The following C12orf76 variants were observed in gnomAD, a reference collection of about 807,000 sequenced individuals.
The protein encoded by C12orf76 is uncharacterized protein C12orf76.
C12orf76 carries 6 observed loss-of-function variants against 6.8 expected under a neutral mutation model. The ratio of observed to expected loss-of-function variants is 0.88; its 90% CI spans 0.48 to 1.73. The LOEUF (loss-of-function observed/expected upper bound fraction) is 1.73, where lower values mean the gene tolerates loss of function less well. C12orf76 is among the 40% of genes most tolerant of loss of function. The pLI, the probability that C12orf76 is intolerant of heterozygous loss-of-function variation, is 0.01. For synonymous variants in C12orf76, 56 were observed against 43.7 expected (o/e 1.28, Z -1.11); for missense variants, 99 against 98.2 (o/e 1.01, Z -0.03).
Position 110,073,441 on chromosome 12 carries a change from T to C in C12orf76, n.194A>G, listed in dbSNP as rs754400281. The C allele has an allele frequency of 2.3e-5, 12 of 523,180 alleles. 1 individual carries two copies. Among genetic ancestry groups the C allele is most frequent in the South Asian group, 1.7e-4 (12 of 71,094 alleles). 32.4% of individuals were successfully genotyped at this position (523,180 alleles called of 1,614,324 possible). ...ACTTACCTAACATAGGAAAAGACGATCACGTGGAAGAACTTAATGGTGCCA... is the reference window on the plus strand; with the variant it reads ...ACTTACCTAACATAGGAAAAGACGACCACGTGGAAGAACTTAATGGTGCCA... On this transcript the variant is annotated non_coding_transcript_exon_variant, in exon 1 of 2. Transcript: ENST00000548936.
At chr12:110,052,803 G>A (rs1224417440), upstream of C12orf76, among the ~76,000 whole-genome samples, 1 of 152,196 alleles carries the variant, frequency 6.6e-6, no homozygotes. Flanking sequence ...CTCCACCTTG[G>A]CTATGTAACC....
chr12:110,065,033 G>A (rs530241068), intron 2 of C12orf76, among the ~76,000 whole-genome samples: 8 of 152,274 alleles, frequency 5.3e-5, no homozygotes, highest in South Asian at 2.1e-4. Flanking sequence ...TTTGGTGTTA[G>A]ACATGAACAA....
upstream of C12orf76, among the ~76,000 whole-genome samples, chr12:110,071,830 G>A (rs1892962860): frequency 6.6e-6 from 1 of 152,160 alleles, no homozygotes; most frequent in Non-Finnish European, 1.5e-5. Flanking sequence ...TGAGGATGTG[G>A]AGAAACTGGA....
chr12:110,059,191 A>G (rs1246380691), intron 2 of C12orf76: 1 of 1,534,494 alleles, frequency 6.5e-7, no homozygotes, highest in South Asian at 1.2e-5. Flanking sequence ...GCACACACAC[A>G]ATTAATTTTT....
chr12:110,064,698 A>G (rs1892829471), intron 2 of C12orf76, among the ~76,000 whole-genome samples: 2 of 152,078 alleles, frequency 1.3e-5, no homozygotes, highest in South Asian at 4.1e-4. Flanking sequence ...CACCCCTGCT[A>G]GCTTCCCCAG....
At chr12:110,063,118 TTAG>T (rs1181014855) in intron 2 of C12orf76, among the ~76,000 whole-genome samples, 1 of 150,616 alleles carries the variant, frequency 6.6e-6, no homozygotes, top group Non-Finnish European at 1.5e-5. Context: ...TTTTGTATTT[TTAG>T]TAGACACAGG....
rs1175199375 is a variant in C12orf76, at chr12:110,041,630, C to G, written c.*744G>C. ...ACATTCCAAATCTGGAAAGCTGCCT[C>G]AAGTTTCAGACCGTGGGCTAGAAAG... is the stretch of plus-strand genomic sequence containing the variant. On this transcript the variant is annotated 3_prime_UTR_variant, in exon 2 of 2. Coordinates refer to ENST00000615315, the MANE Select transcript of C12orf76 (RefSeq NM_001389625.1). 6.6e-6 allele frequency: 1 copy of G among 152,270 alleles called. No homozygotes were observed. The highest frequency in any genetic ancestry group is 1.5e-5 in the Non-Finnish European group (1 of 68,064). 9.4% of individuals were successfully genotyped at this position (152,270 alleles called of 1,614,324 possible).
intron 1 of C12orf76, chr12:110,073,286 G>T: frequency 6.9e-6 from 3 of 432,390 alleles, no homozygotes; most frequent in East Asian, 7.1e-5. Flanking sequence ...CCTCCCTCCC[G>T]CCCGGTTTGC....
At chr12:110,065,240 G>A (rs994420552) in intron 2 of C12orf76, among the ~76,000 whole-genome samples, 17 of 150,474 alleles carry the variant, frequency 1.1e-4, no homozygotes, top group African/African-American at 3.2e-4. Context: ...GTGCAATCTC[G>A]GCTCGCTGCA....
At chr12:110,068,264 AGAAGAAG>A (rs778783284), upstream of C12orf76, among the ~76,000 whole-genome samples, 32 of 113,260 alleles carry the variant, frequency 2.8e-4, no homozygotes, top group Non-Finnish European at 5.3e-4. Flanking sequence ...AAGAAGAAGA[AGAAGAAG>A]AAGAAGAAGA....
exon 1 of C12orf76, chr12:110,073,543 C>T (rs1006042359): frequency 2.3e-5 from 12 of 513,550 alleles, no homozygotes; most frequent in South Asian, 1.1e-4. Context: ...CAGGCTGGCA[C>T]GGTTACAGCC....
intron 3 of C12orf76, among the ~76,000 whole-genome samples, chr12:110,058,190 A>G (rs1418382411): frequency 6.6e-6 from 1 of 152,094 alleles, no homozygotes; most frequent in Non-Finnish European, 1.5e-5. Flanking sequence ...AAACAGATAT[A>G]CTGATGTTAC....
intron 3 of C12orf76, among the ~76,000 whole-genome samples, chr12:110,058,408 A>T (rs898667771): frequency 6.6e-6 from 1 of 152,346 alleles, no homozygotes; most frequent in East Asian, 1.9e-4. Context: ...TCACGCCTGT[A>T]ATCCCAGCAC....
At chr12:110,056,960 G>A in intron 4 of C12orf76, 2 of 530,782 alleles carry the variant, frequency 3.8e-6, no homozygotes, top group Non-Finnish European at 6.8e-6. Flanking sequence ...TTTATTAGCA[G>A]CATGAGAACA....
chr12:110,052,154 C>T (rs1255837956), upstream of C12orf76, among the ~76,000 whole-genome samples: 1 of 151,170 alleles, frequency 6.6e-6, no homozygotes, highest in Non-Finnish European at 1.5e-5. Flanking sequence ...CCTTGGCCTC[C>T]CAAAGTGCTG....
chr12:110,057,054 G>T, intron 4 of C12orf76: 1 of 647,704 alleles, frequency 1.5e-6, no homozygotes, highest in Non-Finnish European at 2.8e-6. Context: ...AGGATGGAGG[G>T]TGAGGTTGAG....
chr12:110,061,827 C>G (rs937735520), intron 2 of C12orf76, among the ~76,000 whole-genome samples: 2 of 152,124 alleles, frequency 1.3e-5, no homozygotes, highest in Admixed American at 1.3e-4. Context: ...TGAGCCACCA[C>G]TCCCAGCCTA....
Position 110,041,744 on chromosome 12 carries a change from A to C in C12orf76, c.*630T>G, listed in dbSNP as rs776187113. 2 of 152,944 alleles carry C rather than the reference A, an allele frequency of 1.3e-5. No individual in the cohort carries two copies. 9.5% of individuals were successfully genotyped at this position (152,944 alleles called of 1,614,324 possible). On this transcript the variant is annotated 3_prime_UTR_variant, in exon 2 of 2. Transcript: ENST00000615315. ...CCAACCTAGTAACATTTCCAGTCCA[A>C]CTTCAGAGCATTCCAGGCCAAAGGT... is the stretch of plus-strand genomic sequence containing the variant.
intron 2 of C12orf76, among the ~76,000 whole-genome samples, chr12:110,065,035 C>G (rs1293498074): frequency 5.3e-5 from 8 of 152,120 alleles, no homozygotes; most frequent in African/African-American, 1.9e-4. Flanking sequence ...TGGTGTTAGA[C>G]ATGAACAAAG....
Sources: gnomAD v4.1 joint callset for allele counts (sites outside exome capture counted in the v4.1 genomes callset) on GRCh38, gnomAD v4.1.1 for gene constraint, MANE v1.5 for transcripts, NCBI Gene and HGNC (gene_info 2026-07-23, HGNC 2026-07-21) for gene names.